The following CPO variants were observed in gnomAD, a reference collection of about 807,000 sequenced individuals.
CPO encodes the protein metallocarboxypeptidase C.
A neutral mutation model predicts 41.2 loss-of-function variants in CPO; 43 were observed. The ratio of observed to expected loss-of-function variants is 1.04; its 90% CI spans 0.82 to 1.35. CPO has a LOEUF of 1.35. Among genes scored for constraint, CPO ranks in the 40% most tolerant of loss-of-function variants. CPO has a pLI of 0.00. For missense variants in CPO, 408 were observed against 451.7 expected (o/e 0.90, Z 0.88); for synonymous variants, 178 against 162.7 (o/e 1.09, Z -0.72).
intron 2 of CPO, 107 bp from the exon 3 acceptor site, chr2:206,955,356 G>C (rs1389490935): frequency 2.7e-6 from 2 of 754,206 alleles, no homozygotes; most frequent in East Asian, 2.5e-5. Context: ...GCAATCTAGA[G>C]CAAAGATAAC....
At chr2:206,954,194 G>A (rs529449415) in intron 2 of CPO, among the ~76,000 whole-genome samples, 1 of 152,244 alleles carries the variant, frequency 6.6e-6, no homozygotes, top group South Asian at 2.1e-4. Flanking sequence ...TCTGCAGCAG[G>A]CTTGAATTTC....
intron 1 of CPO, among the ~76,000 whole-genome samples, chr2:206,943,715 G>A (rs1251611952): frequency 2.9e-5 from 2 of 68,456 alleles, no homozygotes; most frequent in Non-Finnish European, 3.3e-5. Flanking sequence ...TAGATAGATA[G>A]ATGATGGATA....
At chr2:206,944,371 GC>G (rs2105818558) in intron 1 of CPO, among the ~76,000 whole-genome samples, 1 of 151,896 alleles carries the variant, frequency 6.6e-6, no homozygotes, top group South Asian at 2.1e-4. Context: ...AAAGCAAGCA[GC>G]CTCAACATAT....
At chr2:206,942,684 C>T (rs1427446851) in intron 1 of CPO, among the ~76,000 whole-genome samples, 1 of 152,092 alleles carries the variant, frequency 6.6e-6, no homozygotes, top group East Asian at 1.9e-4. Flanking sequence ...GTACAATAAT[C>T]TTTTCATTTG....
chr2:206,968,238 C>G, intron 7 of CPO, 25 bp from the exon 8 acceptor site: 1 of 1,464,832 alleles, frequency 6.8e-7, no homozygotes, highest in African/African-American at 1.4e-5. Context: ...CACCAGATAT[C>G]TGTCTCTGCA....
At chr2:206,957,189 A>T (rs1693383998) in intron 3 of CPO, among the ~76,000 whole-genome samples, 1 of 152,064 alleles carries the variant, frequency 6.6e-6, no homozygotes. Flanking sequence ...CATCCTAGCT[A>T]ACACGGTAAA....
chr2:206,958,655 T>A (rs1484289635), intron 4 of CPO, among the ~76,000 whole-genome samples: 1 of 151,358 alleles, frequency 6.6e-6, no homozygotes, highest in Non-Finnish European at 1.5e-5. Context: ...TAGAAGAACA[T>A]ATGTCTATGG....
At chr2:206,943,888 A>C (rs1410984575) in intron 1 of CPO, among the ~76,000 whole-genome samples, 1 of 152,052 alleles carries the variant, frequency 6.6e-6, no homozygotes, top group Non-Finnish European at 1.5e-5. Flanking sequence ...GCTATGCTTG[A>C]GTTTGGAATT....
In CPO at chr2:206,959,635, T is replaced by C. The variant is rs574437711; in HGVS notation, c.377T>C (p.Leu126Pro). ...AFCQWFVKEI[L>P]QNHKDNSSIR... ...ATTTCTTTCTTAAATTTCCAGATTC[T>C]ACAAAACCATAAAGACAACTCAAGT... The change falls in exon 5 of 9, where the codon CTA becomes CCA. Residue 126 changes from leucine to proline, a missense_variant. Transcript: ENST00000272852. 6.1e-5 allele frequency: 82 copies of C among 1,351,628 alleles called. 1 individual carries two copies. The South Asian group carries it at 9.6e-4, about 16-fold the overall frequency. 83.7% of individuals were successfully genotyped at this position (1,351,628 alleles called of 1,614,324 possible).
chr2:206,949,691 A>G lies in CPO; in HGVS notation c.143A>G (p.Asn48Ser). 8.7e-6 allele frequency: 14 copies of G among 1,611,726 alleles called. No individual in the cohort carries two copies. Among genetic ancestry groups the G allele is most frequent in the Non-Finnish European group, 1.1e-5 (13 of 1,177,968 alleles). ...TGGAGCCTGGAGACGTATTCCTATA[A>G]CATATACCACCCCATGGGAGAGGTA... ...SPWSLETYSYNIYHPMGEIYE... is the reference protein window; with the variant it reads ...SPWSLETYSYSIYHPMGEIYE... The change falls in exon 2 of 9, where the codon AAC becomes AGC. Residue 48 changes from asparagine to serine, a missense_variant. By Grantham distance (46) the Asn-to-Ser change is conservative. Transcript: ENST00000272852.
At chr2:206,943,702 A>AGATAATG (rs1553510284) in intron 1 of CPO, among the ~76,000 whole-genome samples, 13 of 141,844 alleles carry the variant, frequency 9.2e-5, no homozygotes, top group African/African-American at 3.0e-4. Flanking sequence ...ATAGATAGAT[A>AGATAATG]GATAGATAGA....
intron 1 of CPO, among the ~76,000 whole-genome samples, chr2:206,943,736 A>AGATAGATAATGGATAGAT (rs1693082982): frequency 1.2e-5 from 1 of 83,264 alleles, no homozygotes; most frequent in Non-Finnish European, 2.4e-5. Context: ...GATGATAGAT[A>AGATAGATAATGGATAGAT]GATAGATAGA....
chr2:206,960,899 T>A lies in CPO; in HGVS notation c.531T>A (p.Cys177Ter). The change falls in exon 6 of 9, where the codon TGT (cysteine) becomes TGA (stop). Residue 177 changes from cysteine to a stop codon, truncating the protein, a stop_gained. Transcript: ENST00000272852. LOFTEE classifies it high-confidence loss of function. ...KSRSPHNNGT[C>*]FGTDLNRNFN... ...GTTCACCCCATAATAATGGCACATG[T>A]TTTGGGACGGATCTCAATCGAAATT... is the stretch of plus-strand genomic sequence containing the variant. 1 of 1,613,810 alleles carries A rather than the reference T, an allele frequency of 6.2e-7. No individual in the cohort carries two copies. The highest frequency in any genetic ancestry group is 8.5e-7 in the Non-Finnish European group (1 of 1,179,702).
At chr2:206,954,631 G>T (rs1693325021) in intron 2 of CPO, among the ~76,000 whole-genome samples, 1 of 152,062 alleles carries the variant, frequency 6.6e-6, no homozygotes, top group African/African-American at 2.4e-5. Context: ...ACATTTTCAG[G>T]TATCCTTATA....
intron 2 of CPO, among the ~76,000 whole-genome samples, chr2:206,951,098 A>G (rs564829195): frequency 3.8e-4 from 51 of 133,522 alleles, no homozygotes; most frequent in African/African-American, 1.3e-3. Context: ...AAAGGGGTGG[A>G]ACCAAAAAAA....
intron 1 of CPO, among the ~76,000 whole-genome samples, chr2:206,942,374 T>C (rs1181143006): frequency 6.6e-6 from 1 of 152,114 alleles, no homozygotes; most frequent in Non-Finnish European, 1.5e-5. Context: ...CCTCCTTTTT[T>C]ACCTCTCCAT....
chr2:206,940,478 T>C (rs1461394864), intron 1 of CPO, among the ~76,000 whole-genome samples: 1 of 152,098 alleles, frequency 6.6e-6, no homozygotes, highest in South Asian at 2.1e-4. Context: ...TGACTTCCTT[T>C]GTATTTTGTT....
intron 1 of CPO, among the ~76,000 whole-genome samples, chr2:206,947,199 A>C (rs1693161167): frequency 6.6e-6 from 1 of 152,170 alleles, no homozygotes; most frequent in Non-Finnish European, 1.5e-5. Context: ...TAATCAAGAC[A>C]GGTGTTATTG....
chr2:206,952,194 A>G (rs932329571), intron 2 of CPO, among the ~76,000 whole-genome samples: 3 of 151,922 alleles, frequency 2.0e-5, no homozygotes, highest in Admixed American at 1.3e-4. Context: ...GCTCACTGCA[A>G]CCTCCACCTC....
Sources: allele counts gnomAD v4.1 joint callset (sites outside exome capture counted in the v4.1 genomes callset), GRCh38; gene constraint gnomAD v4.1.1; transcripts MANE v1.5; gene names NCBI Gene and HGNC (gene_info 2026-07-23, HGNC 2026-07-21).